The following CIC variants were observed in gnomAD, a reference collection of about 807,000 sequenced individuals.
CIC encodes the protein capicua transcriptional repressor.
A neutral mutation model predicts 115.7 loss-of-function variants in CIC; 18 were observed. The observed-to-expected ratio is 0.16, with a 90% CI of 0.11 to 0.23. CIC has a LOEUF of 0.23. Among genes scored for constraint, CIC ranks in the 10% least tolerant of loss-of-function variants. The pLI, the probability that CIC is intolerant of heterozygous loss-of-function variation, is 1.00. For missense variants in CIC, 2,000 were observed against 2,159.3 expected, an observed-to-expected ratio of 0.93 and a Z score of 1.46; for synonymous variants, 1,076 against 923.0, an observed-to-expected ratio of 1.17 and a Z score of -3.01.
rs370121235 is a variant in CIC, at chr19:42,294,153, G to T, written c.6923-20G>T. ...GGCAGACTGGGGCCACCTGCACTGA[G>T]TCTGCTTCTGTTTGGCCAGACCTGG... is the stretch of plus-strand genomic sequence containing the variant. On this transcript the variant is annotated intron_variant, in intron 18 of 20. Coordinates refer to ENST00000681038, the MANE Select transcript of CIC (RefSeq NM_001386298.1). 1.9e-6 allele frequency: 3 copies of T among 1,613,918 alleles called. No homozygotes were observed. The East Asian group carries it at 6.7e-5, about 36-fold the overall frequency.
chr19:42,293,179 C>T lies in CIC; in HGVS notation c.6420C>T (p.Ala2140=), dbSNP rs772153355. Residue 2140 remains alanine, a synonymous_variant, in exon 16 of 21, where the codon GCC becomes GCT. Coordinates refer to ENST00000681038, the MANE Select transcript of CIC (RefSeq NM_001386298.1). ...SELEGQPTPP[A]PPPLPETWTP... Reference sequence around the variant, plus strand: ...TTGAGGGGCAGCCCACACCACCAGCCCCTCCACCCCTGCCAGAGACCTGGA... The same window carrying T: ...TTGAGGGGCAGCCCACACCACCAGCTCCTCCACCCCTGCCAGAGACCTGGA... 42 of 1,602,074 alleles carry T rather than the reference C, an allele frequency of 2.6e-5. No individual in the cohort carries two copies. The South Asian group carries it at 3.1e-4, about 12-fold the overall frequency.
chr19:42,291,071 C>T lies in CIC; in HGVS notation c.5030C>T (p.Pro1677Leu), dbSNP rs774119037. The T allele has an allele frequency of 6.2e-6, 10 of 1,613,702 alleles. No homozygotes were observed. The highest frequency in any genetic ancestry group is 2.2e-5 in the East Asian group (1 of 44,884). ...GTCACTAACCTACTGGTGGGCACCCCGGGGTATGGGGCCCCTGCGCCCCCT... is the reference window on the plus strand; with the variant it reads ...GTCACTAACCTACTGGTGGGCACCCTGGGGTATGGGGCCCCTGCGCCCCCT... Reference protein sequence around the residue: ...ATVTNLLVGTPGYGAPAPPAV... With the variant: ...ATVTNLLVGTLGYGAPAPPAV... Residue 1677 changes from proline to leucine, a missense_variant, in exon 11 of 21, where the codon CCG (proline) becomes CTG (leucine). Pro to Leu is a moderately conservative substitution (Grantham distance 98). Coordinates refer to ENST00000681038, the MANE Select transcript of CIC (RefSeq NM_001386298.1).
chr19:42,292,245 G>A (rs2038179429), intron 13 of CIC, 38 bp downstream of exon 13: 1 of 1,613,714 alleles, frequency 6.2e-7, no homozygotes, highest in Non-Finnish European at 8.5e-7. Flanking sequence ...GGCCAGGGAA[G>A]GGGTGGGGCG....
intron 2 of CIC, among the ~76,000 whole-genome samples, chr19:42,286,522 G>T (rs937433876): frequency 1.3e-5 from 2 of 152,000 alleles, no homozygotes; most frequent in Admixed American, 6.5e-5. Context: ...GGAGATTGGT[G>T]GGGGGAGGAG....
Position 42,291,738 on chromosome 19 carries a change from C to G in CIC, c.5606C>G (p.Pro1869Arg), listed in dbSNP as rs1599922195. ...CCTGTGCAGAATGGTGCCCAGCCCC[C>G]CAGCAAGGTGAGGGCCTGCCTTTCT... The part of the protein sequence containing the change: ...SVPVQNGAQP[P>R]SKIIQLTPVP... The change falls in exon 12 of 21, where the codon CCC becomes CGC. Residue 1869 changes from proline (P) to arginine (R), a missense_variant. Around this residue, in one of 8 missense-constraint regions of CIC, gnomAD observed 1,466 missense variants for 1,390.4 expected, o/e 1.05. Coordinates refer to ENST00000681038, the MANE Select transcript of CIC (RefSeq NM_001386298.1). 2 of 1,613,052 alleles carry G rather than the reference C, an allele frequency of 1.2e-6. No individual in the cohort carries two copies.
rs188235518 is a variant in CIC, at chr19:42,291,752, G to T, written c.5613+7G>T. The T allele has an allele frequency of 1.2e-4, 193 of 1,612,980 alleles. No homozygotes were observed. The African/African-American group carries it at 2.5e-3, about 21-fold the overall frequency. ...TGCCCAGCCCCCCAGCAAGGTGAGG[G>T]CCTGCCTTTCTCTCTACCTGCTGGA... On this transcript the variant is annotated splice_region_variant and intron_variant, in intron 12 of 20. Transcript: ENST00000681038.
rs1425696199 is a variant in CIC, at chr19:42,273,916, T to C, written c.2133T>C (p.Pro711=). 1 of 397,782 alleles carries C rather than the reference T, an allele frequency of 2.5e-6. No homozygotes were observed. The highest frequency in any genetic ancestry group is 2.1e-5 in the African/African-American group (1 of 48,412). 24.6% of individuals were successfully genotyped at this position (397,782 alleles called of 1,614,324 possible). A position where few individuals can be genotyped will look rare whatever the true frequency, so the allele number is the denominator to read the frequency against. ...TGACCTTCACCGTGCCCATCAGCCC[T>C]GGGCGACGGAAGACAGAGCTGTTGC... ...TNLTFTVPIS[P]GRRKTELLPH... The change falls in exon 2 of 21, where the codon CCT becomes CCC. Residue 711 remains proline, a synonymous_variant. Coordinates refer to ENST00000681038, the MANE Select transcript of CIC (RefSeq NM_001386298.1).
chr19:42,289,974 T>C, intron 10 of CIC, 23 bp downstream of exon 10: 6 of 1,561,544 alleles, frequency 3.8e-6, no homozygotes, highest in Non-Finnish European at 5.3e-6. Flanking sequence ...GTCACGGTGC[T>C]GTCCCATCAC....
At chr19:42,288,845 G>T in intron 7 of CIC, 43 bp from the exon 8 acceptor site, 2 of 1,579,822 alleles carry the variant, frequency 1.3e-6, no homozygotes, top group South Asian at 2.2e-5. Context: ...AGGTGCTGGT[G>T]ACAGGCTTAC....
chr19:42,292,756 G>C lies in CIC; in HGVS notation c.6093G>C (p.Val2031=). The change falls in exon 15 of 21, where the codon GTG becomes GTC. Residue 2031 remains valine (V), a synonymous_variant. Coordinates refer to ENST00000681038, the MANE Select transcript of CIC (RefSeq NM_001386298.1). ...SQAPPSLVYT[V]ATSTTPPAAT... ...CCCCCCCAAGCCTGGTCTACACTGT[G>C]GCCACCAGCACAACCCCACCTGCAG... 2 of 1,613,630 alleles carry C rather than the reference G, an allele frequency of 1.2e-6. No individual in the cohort carries two copies. The highest frequency in any genetic ancestry group is 1.1e-5 in the South Asian group (1 of 91,056).
At chr19:42,284,607 G>C (rs2037480001) in intron 2 of CIC, 2 of 703,008 alleles carry the variant, frequency 2.8e-6, no homozygotes, top group Non-Finnish European at 2.1e-6. Flanking sequence ...CGCTCCCCCC[G>C]GGCCCAAGCG....
chr19:42,283,634 GCCAGGCGCGC>G (rs2037369998), intron 2 of CIC, among the ~76,000 whole-genome samples: 1 of 152,268 alleles, frequency 6.6e-6, no homozygotes, highest in East Asian at 1.9e-4. Context: ...GCCCAGCGGG[GCCAGGCGCGC>G]CCAGGCGGGT....
intron 7 of CIC, among the ~76,000 whole-genome samples, chr19:42,288,402 C>T (rs1017099508): frequency 2.6e-5 from 4 of 152,236 alleles, no homozygotes; most frequent in Non-Finnish European, 4.4e-5. Context: ...GCCACTGCAG[C>T]TCGCAAACAC....
rs10410653 is a variant in CIC at position 42,294,748 on chromosome 19, C to T, written c.7186+13C>T. 5,496 of 1,612,676 alleles carry T rather than the reference C, an allele frequency of 3.4e-3. 131 individuals carry two copies. In the African/African-American group the frequency reaches 0.056, roughly 16 times the overall value. ...TTCTTCCCGTCAGGTGAGCCTGTCT[C>T]GGAGTCTTGGGGTCACTCGGGTGGG... On this transcript the variant is annotated intron_variant, in intron 20 of 20. Coordinates refer to ENST00000681038, the MANE Select transcript of CIC (RefSeq NM_001386298.1).
chr19:42,273,930 CAG>C lies in CIC; in HGVS notation c.2150_2151del (p.Glu717AlafsTer26). The C allele has an allele frequency of 2.5e-6, 1 of 398,704 alleles. No homozygotes were observed. The highest frequency in any genetic ancestry group is 4.4e-6 in the Non-Finnish European group (1 of 226,118). The allele number at this position is 398,704 out of a possible 1,614,324, so 24.7% of individuals were successfully genotyped here. A position where few individuals can be genotyped will look rare whatever the true frequency, so the allele number is the denominator to read the frequency against. ...CCCATCAGCCCTGGGCGACGGAAGACAGAGCTGTTGCCGCATCCAGGGGCCTT... is the reference window on the plus strand; with the variant it reads ...CCCATCAGCCCTGGGCGACGGAAGACAGCTGTTGCCGCATCCAGGGGCCTT... On this transcript the variant is annotated frameshift_variant, in exon 2 of 21. Transcript: ENST00000681038. LOFTEE classifies it high-confidence loss of function.
At position 42,271,918 on chromosome 19, in the gene CIC, C is replaced by T. The variant is rs993784727; in HGVS notation, c.135C>T (p.Asp45=). ...GEGDKPEEED[D]EAQQPQPQSG... is the part of the protein sequence containing the mutation. ...GTGACAAGCCAGAGGAGGAGGATGACGAGGCACAGCAGCCGCAACCACAGT... is the reference window on the plus strand; with the variant it reads ...GTGACAAGCCAGAGGAGGAGGATGATGAGGCACAGCAGCCGCAACCACAGT... The change falls in exon 2 of 21, where the codon GAC becomes GAT. Residue 45 remains aspartate (D), a synonymous_variant. Coordinates refer to ENST00000681038, the MANE Select transcript of CIC (RefSeq NM_001386298.1). 5 of 398,808 alleles carry T rather than the reference C, an allele frequency of 1.3e-5. No individual in the cohort carries two copies. The highest frequency in any genetic ancestry group is 7.1e-5 in the East Asian group (2 of 28,100). 24.7% of individuals were successfully genotyped at this position (398,808 alleles called of 1,614,324 possible). A position where few individuals can be genotyped will look rare whatever the true frequency, so the allele number is the denominator to read the frequency against.
rs532264982 is a variant in CIC, at chr19:42,289,329, G to C, written c.4010G>C (p.Arg1337Pro). The change falls in exon 9 of 21, where the codon CGT (arginine) becomes CCT (proline). Residue 1337 changes from arginine (R) to proline (P), a missense_variant. Arg to Pro is a moderately radical substitution (Grantham distance 103, BLOSUM62 -2). Coordinates refer to ENST00000681038, the MANE Select transcript of CIC (RefSeq NM_001386298.1). Reference protein sequence around the residue: ...LLPTRASRSQRAASEDMTSDE... With the variant: ...LLPTRASRSQPAASEDMTSDE... Reference sequence around the variant, plus strand: ...CCCACCCGAGCTTCTCGTTCTCAGCGTGCGGCCAGTGAGGACATGACGAGT... The same window carrying C: ...CCCACCCGAGCTTCTCGTTCTCAGCCTGCGGCCAGTGAGGACATGACGAGT... 1 of 1,613,976 alleles carries C rather than the reference G, an allele frequency of 6.2e-7. No homozygotes were observed. Among genetic ancestry groups the C allele is most frequent in the Non-Finnish European group, 8.5e-7 (1 of 1,179,932 alleles).
Position 42,287,250 on chromosome 19 carries a change from C to G in CIC, c.3179+10C>G, listed in dbSNP as rs1377057365. ...GTGACCATGATGATGCGTGAGTTCC[C>G]TGAGGCCTGGGACTTGGGGGTGGGA... On this transcript the variant is annotated intron_variant, in intron 4 of 20. Transcript: ENST00000681038. This position sits in a 1 kb window ranked among gnomAD's most constrained non-coding sequence, Gnocchi z 8.7. The G allele has an allele frequency of 1.2e-6, 2 of 1,613,966 alleles. No individual in the cohort carries two copies.
intron 2 of CIC, chr19:42,284,891 G>A (rs1599882005): frequency 1.1e-6 from 1 of 940,966 alleles, no homozygotes; most frequent in Non-Finnish European, 1.6e-6. Context: ...AAGGGATGAC[G>A]GGGAAAGTTA....
Sources: gnomAD v4.1 joint callset for allele counts (sites outside exome capture counted in the v4.1 genomes callset) on GRCh38, gnomAD v4.1.1 for gene constraint, gnomAD v4.1.1 regional missense constraint, Gnocchi (gnomAD v3.1) non-coding constraint, MANE v1.5 for transcripts, NCBI Gene and HGNC (gene_info 2026-07-23, HGNC 2026-07-21) for gene names.